TNRC6B: variants seen among roughly 807,000 people sequenced by gnomAD.
TNRC6B encodes trinucleotide repeat containing adaptor 6B.
In TNRC6B, 52 loss-of-function variants were observed where a neutral mutation model predicts 203.6. The ratio of observed to expected loss-of-function variants is 0.26; its 90% CI spans 0.20 to 0.32. TNRC6B has a LOEUF of 0.32. Ranked by LOEUF, TNRC6B falls within the 10% of genes least tolerant of loss-of-function variation. TNRC6B has a pLI of 1.00. For synonymous variants in TNRC6B, 838 were observed against 845.7 expected, an observed-to-expected ratio of 0.99 and a Z score of 0.16; for missense variants, 1,923 against 2,286.2, an observed-to-expected ratio of 0.84 and a Z score of 3.24.
intron 1 of TNRC6B, among the ~76,000 whole-genome samples, chr22:40,091,262 T>TA (rs879426155): frequency 6.6e-6 from 1 of 152,006 alleles, no homozygotes; most frequent in Non-Finnish European, 1.5e-5. Context: ...TGATATTTTT[T>TA]AAAAAAGCTA....
intron 1 of TNRC6B, among the ~76,000 whole-genome samples, chr22:40,206,344 A>G (rs1215200314): frequency 5.9e-5 from 9 of 152,178 alleles, no homozygotes; most frequent in African/African-American, 2.4e-5. Flanking sequence ...AAAGTATACC[A>G]TTATAGTACC....
intron 1 of TNRC6B, among the ~76,000 whole-genome samples, chr22:40,099,379 A>C (rs1391073409): frequency 6.6e-6 from 1 of 152,126 alleles, no homozygotes; most frequent in African/African-American, 2.4e-5. Flanking sequence ...TTCTCCACTG[A>C]TTTGAAGCAC....
chr22:40,047,457 G>A (rs1372349396), intron 1 of TNRC6B, among the ~76,000 whole-genome samples: 3 of 151,994 alleles, frequency 2.0e-5, no homozygotes, highest in Non-Finnish European at 4.4e-5. Flanking sequence ...CAAAAAATTA[G>A]CCGGGCGTGG....
chr22:40,300,434 C>T (rs752568608), intron 12 of TNRC6B, 21 bp from the exon 13 acceptor site: 1 of 1,519,142 alleles, frequency 6.6e-7, no homozygotes. Context: ...TCTTTTCTTT[C>T]TTTTTTATTT....
chr22:40,178,217 G>T, intron 1 of TNRC6B, 77 bp downstream of exon 1: 2 of 1,536,600 alleles, frequency 1.3e-6, no homozygotes, highest in Non-Finnish European at 1.8e-6. Context: ...TGGTGGTGTT[G>T]CAAATCGACA....
chr22:40,111,131 C>A (rs533216328), intron 1 of TNRC6B, among the ~76,000 whole-genome samples: 1 of 152,202 alleles, frequency 6.6e-6, no homozygotes, highest in Non-Finnish European at 1.5e-5. Context: ...GAACAGGTTT[C>A]CCTAAGCCTG....
intron 3 of TNRC6B, among the ~76,000 whole-genome samples, chr22:40,147,035 G>A (rs1368582881): frequency 5.3e-5 from 8 of 152,204 alleles, no homozygotes; most frequent in Non-Finnish European, 8.8e-5. Context: ...CGAAAAGGTG[G>A]AAGTGATCCA....
chr22:40,223,235 T>C (rs138033), intron 1 of TNRC6B, among the ~76,000 whole-genome samples: 151,306 of 152,228 alleles, frequency 0.99, 75,197 homozygotes, highest in East Asian at 1. Flanking sequence ...CTGCCTCCTG[T>C]GTTCAAGCAA....
At chr22:40,058,282 C>A (rs1289458912) in intron 1 of TNRC6B, among the ~76,000 whole-genome samples, 2 of 152,146 alleles carry the variant, frequency 1.3e-5, no homozygotes, top group African/African-American at 4.8e-5. Context: ...GTAGAAATCA[C>A]AAAGAGAAGA....
At chr22:40,120,925 G>A (rs2068438509) in intron 2 of TNRC6B, among the ~76,000 whole-genome samples, 1 of 152,208 alleles carries the variant, frequency 6.6e-6, no homozygotes, top group South Asian at 2.1e-4. Context: ...AAGGAGCAGA[G>A]CAGAACAGGT....
chr22:40,299,810 C>A (rs995396216), intron 12 of TNRC6B, among the ~76,000 whole-genome samples: 4 of 152,202 alleles, frequency 2.6e-5, no homozygotes, highest in Non-Finnish European at 4.4e-5. Context: ...CTTCTTCTTA[C>A]TTAAATCATC....
At chr22:40,148,540 C>T (rs980578967) in intron 3 of TNRC6B, among the ~76,000 whole-genome samples, 2 of 152,086 alleles carry the variant, frequency 1.3e-5, no homozygotes, top group Admixed American at 1.3e-4. Flanking sequence ...CCTTGCCCCC[C>T]ACAAAGTGCT....
At chr22:40,221,732 C>G (rs1213380876) in intron 1 of TNRC6B, among the ~76,000 whole-genome samples, 1 of 149,958 alleles carries the variant, frequency 6.7e-6, no homozygotes, top group African/African-American at 2.4e-5. Flanking sequence ...AGCCACCACA[C>G]CTGGCCCACC....
At position 40,324,027 on chromosome 22, in the gene TNRC6B, A is replaced by G. The variant is rs952662442; in HGVS notation, c.*786A>G. ...AGTCTGCAGGCTGGCTGGCCGGCCC[A>G]TCTGCTTTTTATTTTATTTTTTTAA... On this transcript the variant is annotated 3_prime_UTR_variant, in exon 23 of 23. Transcript: ENST00000454349. 5.9e-5 allele frequency: 9 copies of G among 152,306 alleles called. No individual in the cohort carries two copies. The highest frequency in any genetic ancestry group is 9.7e-5 in the African/African-American group (4 of 41,388). 9.4% of individuals were successfully genotyped at this position (152,306 alleles called of 1,614,324 possible).
chr22:40,082,105 A>G (rs1044549384), intron 1 of TNRC6B, among the ~76,000 whole-genome samples: 4 of 152,156 alleles, frequency 2.6e-5, no homozygotes, highest in African/African-American at 7.2e-5. Context: ...AGTAGTTGAA[A>G]ACAAAAATCC....
chr22:40,117,286 T>C (rs1037054108), intron 2 of TNRC6B, among the ~76,000 whole-genome samples: 1 of 152,216 alleles, frequency 6.6e-6, no homozygotes, highest in Non-Finnish European at 1.5e-5. Flanking sequence ...TCCTACTATA[T>C]GGTAGGTGCC....
At chr22:40,279,678 T>A (rs1382585091) in intron 9 of TNRC6B, among the ~76,000 whole-genome samples, 1 of 152,244 alleles carries the variant, frequency 6.6e-6, no homozygotes, top group Admixed American at 6.5e-5. Context: ...GTATCCAGTC[T>A]AAATGTTTTC....
At chr22:40,274,806 G>C (rs1025183300) in intron 7 of TNRC6B, among the ~76,000 whole-genome samples, 4 of 152,182 alleles carry the variant, frequency 2.6e-5, no homozygotes, top group African/African-American at 9.7e-5. Context: ...ATCACAGTTT[G>C]ATGAGGACTT....
Position 40,315,936 on chromosome 22 carries a change from T to C in TNRC6B, c.4904-6T>C, listed in dbSNP as rs1247072588. The C allele has an allele frequency of 6.2e-6, 10 of 1,612,954 alleles. No homozygotes were observed. Among genetic ancestry groups the C allele is most frequent in the Non-Finnish European group, 8.5e-6 (10 of 1,179,250 alleles). The stretch of plus-strand genomic sequence containing the variant: ...TCTTCCTAACCATTTTTCTGGTTGC[T>C]CATAGCCTCTACCTGGAGTGATGGT... On this transcript the variant is annotated splice_polypyrimidine_tract_variant and splice_region_variant and intron_variant, in intron 20 of 22. Coordinates refer to ENST00000454349, the MANE Select transcript of TNRC6B (RefSeq NM_001162501.2).
Sources: allele counts gnomAD v4.1 joint callset (sites outside exome capture counted in the v4.1 genomes callset), GRCh38; gene constraint gnomAD v4.1.1; transcripts MANE v1.5; gene names NCBI Gene and HGNC (gene_info 2026-07-23, HGNC 2026-07-21).